The following KCNAB1 variants were observed in gnomAD, a reference collection of about 807,000 sequenced individuals.
KCNAB1 encodes the protein potassium voltage-gated channel subfamily A regulatory beta subunit 1.
KCNAB1 carries 35 observed loss-of-function variants against 64.6 expected under a neutral mutation model. The observed-to-expected ratio is 0.54, with a 90% CI of 0.41 to 0.72. KCNAB1 has a LOEUF of 0.72. KCNAB1 is among the 30% of genes least tolerant of loss of function. The pLI is 0.00. For synonymous variants in KCNAB1, 177 were observed against 183.8 expected (o/e 0.96, Z 0.30); for missense variants, 401 against 512.9 (o/e 0.78, Z 2.11).
intron 8 of KCNAB1, among the ~76,000 whole-genome samples, chr3:156,496,713 A>G (rs780163851): frequency 2.6e-5 from 4 of 152,178 alleles, no homozygotes; most frequent in Non-Finnish European, 5.9e-5. Context: ...ACCATGATAA[A>G]CCTTGATGAA....
chr3:156,167,198 G>A (rs1254884328), intron 1 of KCNAB1, among the ~76,000 whole-genome samples: 1 of 152,160 alleles, frequency 6.6e-6, no homozygotes, highest in East Asian at 1.9e-4. Context: ...CTCTAAGAGT[G>A]GACAATGCCC....
At chr3:156,502,680 A>G (rs1467117115) in intron 8 of KCNAB1, among the ~76,000 whole-genome samples, 9 of 152,174 alleles carry the variant, frequency 5.9e-5, no homozygotes. Flanking sequence ...TGTGTCAGGG[A>G]AATATCCCAC....
chr3:156,152,998 G>A (rs1286866639), intron 1 of KCNAB1, among the ~76,000 whole-genome samples: 2 of 152,100 alleles, frequency 1.3e-5, no homozygotes, highest in Non-Finnish European at 2.9e-5. Context: ...CTCTCTCACT[G>A]GAATGTGAAT....
chr3:156,327,692 A>G (rs1305253020), intron 1 of KCNAB1, among the ~76,000 whole-genome samples: 1 of 152,158 alleles, frequency 6.6e-6, no homozygotes, highest in Non-Finnish European at 1.5e-5. Context: ...TTAGAGAAAT[A>G]TCCCAGGCAC....
At chr3:156,239,265 A>G (rs1376820725) in intron 1 of KCNAB1, among the ~76,000 whole-genome samples, 1 of 152,230 alleles carries the variant, frequency 6.6e-6, no homozygotes, top group African/African-American at 2.4e-5. Flanking sequence ...TTTTGTGGTC[A>G]TTGGGCAGCA....
chr3:156,408,681 G>A (rs1333700747), intron 1 of KCNAB1, among the ~76,000 whole-genome samples: 2 of 152,048 alleles, frequency 1.3e-5, no homozygotes, highest in Non-Finnish European at 2.9e-5. Flanking sequence ...TCAGGAGGCT[G>A]AGGCAGGAGA....
At chr3:156,264,652 C>T (rs116294621) in intron 1 of KCNAB1, among the ~76,000 whole-genome samples, 2,636 of 152,144 alleles carry the variant, frequency 0.017, 51 homozygotes, top group South Asian at 0.022. Context: ...CAATATACTT[C>T]CATTCATTCC....
intron 8 of KCNAB1, among the ~76,000 whole-genome samples, chr3:156,501,424 T>A (rs1716396056): frequency 2.1e-5 from 1 of 48,008 alleles, no homozygotes. Flanking sequence ...CTTAGTACCT[T>A]TTTTTTTTTT....
At chr3:156,378,602 T>C (rs3772252) in intron 1 of KCNAB1, among the ~76,000 whole-genome samples, 44,584 of 152,016 alleles carry the variant, frequency 0.29, 8,973 homozygotes, top group African/African-American at 0.58. Context: ...GTGTGTCATT[T>C]ATTCAACGTT....
At chr3:156,459,988 T>A in intron 5 of KCNAB1, 117 bp downstream of exon 5, 1 of 687,332 alleles carries the variant, frequency 1.5e-6, no homozygotes, top group Non-Finnish European at 2.5e-6. Flanking sequence ...CAACTGTTTT[T>A]AAAGCAATGA....
At chr3:156,375,823 CT>C (rs1350375222) in intron 1 of KCNAB1, among the ~76,000 whole-genome samples, 1 of 135,588 alleles carries the variant, frequency 7.4e-6, no homozygotes, top group Non-Finnish European at 1.5e-5. Flanking sequence ...AAGATTTCTT[CT>C]TTTTTTTGTG....
chr3:156,287,356 A>C (rs1489568587), intron 1 of KCNAB1, among the ~76,000 whole-genome samples: 1 of 151,912 alleles, frequency 6.6e-6, no homozygotes, highest in Non-Finnish European at 1.5e-5. Context: ...TATCAAAAAA[A>C]AAAAAAAAAA....
chr3:156,405,012 A>G (rs578039342), intron 1 of KCNAB1, among the ~76,000 whole-genome samples: 1 of 152,372 alleles, frequency 6.6e-6, no homozygotes, highest in South Asian at 2.1e-4. Flanking sequence ...TAGAAGGCTC[A>G]GCACCTAGTA....
Position 156,531,412 on chromosome 3 carries a change from G to A in KCNAB1, c.1085G>A (p.Trp362Ter). Residue 362 changes from tryptophan (W) to a stop codon, truncating the protein, a stop_gained, in exon 13 of 14, where the codon TGG (tryptophan) becomes TAG (stop). Coordinates refer to ENST00000490337, the MANE Select transcript of KCNAB1 (RefSeq NM_172160.3). LOFTEE classifies it high-confidence loss of function. ...ACCCAGTGTCCTCTCCTCCCAGCGTGGTGCCTGAGAAATGAAGGTGTGAGT... is the reference window on the plus strand; with the variant it reads ...ACCCAGTGTCCTCTCCTCCCAGCGTAGTGCCTGAGAAATGAAGGTGTGAGT... ...GCTLPQLAVA[W>*]CLRNEGVSSV... The A allele has an allele frequency of 6.2e-7, 1 of 1,612,150 alleles. No individual in the cohort carries two copies.
intron 1 of KCNAB1, among the ~76,000 whole-genome samples, chr3:156,152,217 A>AT (rs1184399302): frequency 1.3e-5 from 2 of 152,204 alleles, no homozygotes; most frequent in Non-Finnish European, 2.9e-5. Context: ...TGCTCAGCAC[A>AT]TCCCCTGAGG....
chr3:156,215,209 A>T (rs1715240368), intron 1 of KCNAB1, among the ~76,000 whole-genome samples: 1 of 152,246 alleles, frequency 6.6e-6, no homozygotes, highest in Non-Finnish European at 1.5e-5. Context: ...GGTAACTTGC[A>T]GAATGTATTC....
chr3:156,202,800 C>T (rs1714422612), intron 1 of KCNAB1, among the ~76,000 whole-genome samples: 1 of 151,994 alleles, frequency 6.6e-6, no homozygotes, highest in African/African-American at 2.4e-5. Flanking sequence ...AAAAAAAATT[C>T]TGAATAAATA....
intron 1 of KCNAB1, among the ~76,000 whole-genome samples, chr3:156,181,829 T>A (rs2108346890): frequency 6.6e-6 from 1 of 151,816 alleles, no homozygotes; most frequent in African/African-American, 2.4e-5. Flanking sequence ...GTAGGGGGAG[T>A]AAAGACGTTG....
intron 1 of KCNAB1, among the ~76,000 whole-genome samples, chr3:156,290,804 C>A (rs562990566): frequency 6.6e-6 from 1 of 152,252 alleles, no homozygotes; most frequent in Non-Finnish European, 1.5e-5. Flanking sequence ...CCTCTGGTAG[C>A]CAGAATAAAT....
Sources: allele counts gnomAD v4.1 joint callset (sites outside exome capture counted in the v4.1 genomes callset), GRCh38; gene constraint gnomAD v4.1.1; transcripts MANE v1.5; gene names NCBI Gene and HGNC (gene_info 2026-07-23, HGNC 2026-07-21).